The following SPOCK3 variants were observed in gnomAD, a reference collection of about 807,000 sequenced individuals.
SPOCK3 encodes the protein SPARC (osteonectin), cwcv and kazal like domains proteoglycan 3.
SPOCK3 carries 30 observed loss-of-function variants against 56.6 expected under a neutral mutation model. The observed-to-expected ratio is 0.53, with a 90% confidence interval of 0.40 to 0.72. SPOCK3 has a LOEUF of 0.72. Ranked by LOEUF, SPOCK3 falls within the 30% of genes least tolerant of loss-of-function variation. The pLI is 0.00. For synonymous variants in SPOCK3, 196 were observed against 183.3 expected, an observed-to-expected ratio of 1.07 and a Z score of -0.56; for missense variants, 527 against 530.0, an observed-to-expected ratio of 0.99 and a Z score of 0.06.
chr4:166,893,686 T>C (rs1735033485), intron 5 of SPOCK3, among the ~76,000 whole-genome samples: 1 of 152,162 alleles, frequency 6.6e-6, no homozygotes, highest in Non-Finnish European at 1.5e-5. Context: ...TATTTTCTTA[T>C]GGTAGCAATA....
At chr4:166,745,242 G>C (rs1735440674) in intron 8 of SPOCK3, among the ~76,000 whole-genome samples, 1 of 152,104 alleles carries the variant, frequency 6.6e-6, no homozygotes, top group Non-Finnish European at 1.5e-5. Flanking sequence ...CAGAGAGAAA[G>C]GTCGGGTTAC....
intron 2 of SPOCK3, among the ~76,000 whole-genome samples, chr4:167,151,722 A>C (rs1764446202): frequency 3.3e-5 from 5 of 152,172 alleles, no homozygotes; most frequent in Admixed American, 3.3e-4. Flanking sequence ...GGCGTGAGCC[A>C]CCACGCCCAG....
intron 2 of SPOCK3, among the ~76,000 whole-genome samples, chr4:167,137,728 A>C (rs1178298075): frequency 6.6e-6 from 1 of 151,938 alleles, no homozygotes; most frequent in Non-Finnish European, 1.5e-5. Context: ...CAGGAGATAA[A>C]AGTTTTTAAA....
At chr4:167,216,067 G>A (rs998365604) in intron 2 of SPOCK3, among the ~76,000 whole-genome samples, 14 of 152,062 alleles carry the variant, frequency 9.2e-5, no homozygotes, top group African/African-American at 2.9e-4. Context: ...TGTTGCCTGG[G>A]TAAATGATTT....
chr4:167,174,831 ACATACACACAGG>A (rs1191736937), intron 2 of SPOCK3, among the ~76,000 whole-genome samples: 1 of 152,134 alleles, frequency 6.6e-6, no homozygotes, highest in African/African-American at 2.4e-5. Context: ...ACACAAACAC[ACATACACACAGG>A]CATGCACACA....
At chr4:166,933,303 G>A (rs1291715462) in intron 4 of SPOCK3, among the ~76,000 whole-genome samples, 3 of 152,080 alleles carry the variant, frequency 2.0e-5, no homozygotes, top group Non-Finnish European at 4.4e-5. Flanking sequence ...GCTTCCTTTT[G>A]ATATTTACAT....
intron 4 of SPOCK3, among the ~76,000 whole-genome samples, chr4:166,953,572 A>G (rs558811384): frequency 6.6e-6 from 1 of 152,272 alleles, no homozygotes; most frequent in Non-Finnish European, 1.5e-5. Context: ...TGACCCAGCC[A>G]TCCCATTACT....
chr4:167,106,456 T>A (rs531514089), intron 2 of SPOCK3, among the ~76,000 whole-genome samples: 4 of 151,630 alleles, frequency 2.6e-5, no homozygotes, highest in African/African-American at 9.7e-5. Flanking sequence ...TAAAACACAA[T>A]ATGCCAAAAT....
At chr4:167,111,762 C>T (rs1226197314) in intron 2 of SPOCK3, among the ~76,000 whole-genome samples, 1 of 145,790 alleles carries the variant, frequency 6.9e-6, no homozygotes, top group Non-Finnish European at 1.5e-5. Context: ...AAAAGTAGCA[C>T]TTTTTTTTTT....
At chr4:167,010,700 C>T (rs1169480512) in intron 3 of SPOCK3, among the ~76,000 whole-genome samples, 2 of 151,850 alleles carry the variant, frequency 1.3e-5, no homozygotes, top group Non-Finnish European at 2.9e-5. Context: ...AGTATACCGA[C>T]GGACCCAGAA....
chr4:167,046,970 T>C (rs1326431708), intron 3 of SPOCK3, among the ~76,000 whole-genome samples: 1 of 152,140 alleles, frequency 6.6e-6, no homozygotes, highest in African/African-American at 2.4e-5. Flanking sequence ...GTGAAGAGTA[T>C]ATGATATTTA....
intron 2 of SPOCK3, among the ~76,000 whole-genome samples, chr4:167,151,745 C>T (rs1456572052): frequency 2.0e-5 from 3 of 152,020 alleles, no homozygotes; most frequent in African/African-American, 4.8e-5. Context: ...TCACTTTCCA[C>T]GTTCTTAATT....
intron 5 of SPOCK3, among the ~76,000 whole-genome samples, chr4:166,909,714 C>A (rs1182660500): frequency 6.6e-6 from 1 of 152,040 alleles, no homozygotes; most frequent in Non-Finnish European, 1.5e-5. Context: ...AAGCAAGGAG[C>A]TTCATGGACC....
intron 5 of SPOCK3, among the ~76,000 whole-genome samples, chr4:166,902,691 G>T (rs2127061882): frequency 6.6e-6 from 1 of 151,462 alleles, no homozygotes; most frequent in Admixed American, 6.6e-5. Context: ...ACATATACAT[G>T]TACACTCACA....
At chr4:167,106,491 C>T (rs1426691826) in intron 2 of SPOCK3, among the ~76,000 whole-genome samples, 1 of 151,338 alleles carries the variant, frequency 6.6e-6, no homozygotes, top group East Asian at 1.9e-4. Flanking sequence ...AAAGGCAGTA[C>T]TAAGAGGAAA....
intron 3 of SPOCK3, among the ~76,000 whole-genome samples, chr4:167,008,067 CACTT>C (rs1554018561): frequency 6.6e-6 from 1 of 152,024 alleles, no homozygotes; most frequent in Non-Finnish European, 1.5e-5. Context: ...GCTAAGAAGA[CACTT>C]AATGAAAATA....
At chr4:166,832,857 A>G (rs1467858317) in intron 6 of SPOCK3, among the ~76,000 whole-genome samples, 1 of 152,170 alleles carries the variant, frequency 6.6e-6, no homozygotes, top group Non-Finnish European at 1.5e-5. Flanking sequence ...ATACTGGGTA[A>G]GCATGGACAT....
chr4:166,751,906 G>A (rs942531464), intron 8 of SPOCK3, among the ~76,000 whole-genome samples: 2 of 152,008 alleles, frequency 1.3e-5, no homozygotes, highest in Admixed American at 1.3e-4. Context: ...ATTTTGTATT[G>A]CTTAATTGTC....
intron 3 of SPOCK3, among the ~76,000 whole-genome samples, chr4:167,054,947 T>C (rs1754626039): frequency 3.3e-5 from 5 of 152,156 alleles, no homozygotes; most frequent in East Asian, 1.9e-4. Flanking sequence ...GCTGAGAATT[T>C]ACACCATTCA....
Sources: gnomAD v4.1 joint callset for allele counts (sites outside exome capture counted in the v4.1 genomes callset) on GRCh38, gnomAD v4.1.1 for gene constraint, MANE v1.5 for transcripts, NCBI Gene and HGNC (gene_info 2026-07-23, HGNC 2026-07-21) for gene names.